Variants in HS3ST1 observed in about 807,000 individuals in gnomAD.
The protein encoded by HS3ST1 is heparan sulfate-glucosamine 3-sulfotransferase 1.
In HS3ST1, 8 loss-of-function variants were observed where a neutral mutation model predicts 20.7. The observed-to-expected ratio is 0.39, with a 90% confidence interval of 0.23 to 0.70. The LOEUF (loss-of-function observed/expected upper bound fraction) is 0.70, where lower values mean the gene tolerates loss of function less well. Ranked by LOEUF, HS3ST1 falls within the 30% of genes least tolerant of loss-of-function variation. HS3ST1 has a pLI of 0.46. For missense variants in HS3ST1, 436 were observed against 423.4 expected, an observed-to-expected ratio of 1.03 and a Z score of -0.26; for synonymous variants, 205 against 190.4, an observed-to-expected ratio of 1.08 and a Z score of -0.63.
rs941914979 is a variant in HS3ST1 at position 11,394,445 on chromosome 4, C to T, written c.*4637G>A. On this transcript the variant is annotated 3_prime_UTR_variant, in exon 2 of 2. Transcript: ENST00000002596. ...GTCCTCTTTAGCTTTGGCCTTCTCT[C>T]ACTGTGTGCTGTTTGGAGAACTCTG... 3.3e-5 allele frequency: 5 copies of T among 152,226 alleles called. No homozygotes were observed. The highest frequency in any genetic ancestry group is 1.2e-4 in the African/African-American group (5 of 41,450). 9.4% of individuals were successfully genotyped at this position (152,226 alleles called of 1,614,324 possible).
At chr4:11,415,915 G>A (rs371863622) in intron 1 of HS3ST1, among the ~76,000 whole-genome samples, 14 of 152,282 alleles carry the variant, frequency 9.2e-5, no homozygotes, top group South Asian at 2.1e-4. Flanking sequence ...GTGCTTCTGC[G>A]GAAATGTGTG....
chr4:11,410,444 G>C (rs912076705), intron 1 of HS3ST1, among the ~76,000 whole-genome samples: 1 of 152,182 alleles, frequency 6.6e-6, no homozygotes, highest in South Asian at 2.1e-4. Context: ...TTCATTCAGG[G>C]CAGTAGGAGA....
upstream of HS3ST1, chr4:11,429,201 GTCCAAGGGGAGGGACCAGCGC>G (rs1236517690): frequency 6.6e-6 from 1 of 152,500 alleles, no homozygotes; most frequent in East Asian, 1.9e-4. Flanking sequence ...TGGGGTTTCA[GTCCAAGGGGAGGGACCAGCGC>G]TCCAAGAAGG....
chr4:11,406,856 CT>C (rs879811968), intron 1 of HS3ST1, among the ~76,000 whole-genome samples: 508 of 143,662 alleles, frequency 3.5e-3, no homozygotes, highest in African/African-American at 6.4e-3. Flanking sequence ...ACAAAACTGT[CT>C]TTTTTTTTTT....
intron 1 of HS3ST1, among the ~76,000 whole-genome samples, chr4:11,408,417 A>G (rs532094424): frequency 2.0e-5 from 3 of 152,292 alleles, no homozygotes; most frequent in East Asian, 1.9e-4. Context: ...TCATGATGCA[A>G]AGTACTGCAG....
At chr4:11,428,618 C>T (rs1428178016) in intron 1 of HS3ST1, 81 bp downstream of exon 1, 2 of 152,710 alleles carry the variant, frequency 1.3e-5, no homozygotes, top group Admixed American at 6.5e-5. Flanking sequence ...TGCCCGAAGT[C>T]CAGAACGCCA....
intron 1 of HS3ST1, among the ~76,000 whole-genome samples, chr4:11,415,569 G>A (rs983409942): frequency 1.3e-5 from 2 of 152,264 alleles, no homozygotes; most frequent in Middle Eastern, 3.4e-3. Flanking sequence ...GTTGTCATAA[G>A]TAAAGAAAGA....
chr4:11,427,881 G>C (rs1259108163), intron 1 of HS3ST1, among the ~76,000 whole-genome samples: 3 of 152,208 alleles, frequency 2.0e-5, no homozygotes, highest in Admixed American at 2.0e-4. Context: ...ACAGGCTGGG[G>C]CTAGAAGGAG....
chr4:11,431,299 G>A (rs1719201448), upstream of HS3ST1, among the ~76,000 whole-genome samples: 1 of 151,052 alleles, frequency 6.6e-6, no homozygotes, highest in Admixed American at 6.6e-5. Flanking sequence ...AGTCAAACAT[G>A]TTTCCCTTTC....
intron 1 of HS3ST1, among the ~76,000 whole-genome samples, chr4:11,406,360 C>G (rs746882454): frequency 2.0e-5 from 3 of 152,174 alleles, no homozygotes; most frequent in Non-Finnish European, 4.4e-5. Flanking sequence ...AAATGTCTAA[C>G]CTCTCTGGGT....
intron 1 of HS3ST1, among the ~76,000 whole-genome samples, chr4:11,401,159 A>T (rs1409484502): frequency 2.0e-5 from 3 of 152,190 alleles, no homozygotes; most frequent in East Asian, 3.8e-4. Context: ...ATAATTGGGG[A>T]TGGTTTCACA....
chr4:11,415,287 T>A (rs1475167551), intron 1 of HS3ST1, among the ~76,000 whole-genome samples: 1 of 152,222 alleles, frequency 6.6e-6, no homozygotes, highest in Non-Finnish European at 1.5e-5. Flanking sequence ...CTGGGTTAGT[T>A]ACATGCCCTT....
At chr4:11,408,472 A>T (rs1718529608) in intron 1 of HS3ST1, among the ~76,000 whole-genome samples, 3 of 152,358 alleles carry the variant, frequency 2.0e-5, no homozygotes, top group South Asian at 2.1e-4. Flanking sequence ...ACAGTGACAC[A>T]TAGAAATAAT....
intron 1 of HS3ST1, among the ~76,000 whole-genome samples, chr4:11,417,986 T>C (rs1718830375): frequency 6.6e-6 from 1 of 152,240 alleles, no homozygotes; most frequent in African/African-American, 2.4e-5. Flanking sequence ...TTTCCTATTC[T>C]GTAATGATTT....
intron 1 of HS3ST1, among the ~76,000 whole-genome samples, chr4:11,422,824 C>T (rs184983086): frequency 2.0e-4 from 30 of 151,584 alleles, no homozygotes; most frequent in Middle Eastern, 3.4e-3. Flanking sequence ...AAAAAATTTC[C>T]GTGGACGATG....
At chr4:11,429,440 T>A (rs1577452668), upstream of HS3ST1, 1 of 152,344 alleles carries the variant, frequency 6.6e-6, no homozygotes, top group Admixed American at 6.6e-5. Flanking sequence ...GCGCTGGCGC[T>A]CCTTCCGCCC....
intron 1 of HS3ST1, among the ~76,000 whole-genome samples, chr4:11,410,709 T>C (rs1184384325): frequency 6.6e-6 from 1 of 152,024 alleles, no homozygotes; most frequent in Non-Finnish European, 1.5e-5. Flanking sequence ...CGGTCAAACA[T>C]GGTGAAACCC....
At chr4:11,432,041 C>T (rs1193271800), upstream of HS3ST1, among the ~76,000 whole-genome samples, 1 of 152,180 alleles carries the variant, frequency 6.6e-6, no homozygotes, top group Non-Finnish European at 1.5e-5. Flanking sequence ...GCTACCCTTC[C>T]AGTAAAAACT....
chr4:11,432,674 A>C (rs998824157), upstream of HS3ST1, among the ~76,000 whole-genome samples: 15 of 152,364 alleles, frequency 9.8e-5, no homozygotes, highest in Admixed American at 2.0e-4. Flanking sequence ...AGAGAGCATG[A>C]TTGCACTGTG....
Sources: allele counts gnomAD v4.1 joint callset (sites outside exome capture counted in the v4.1 genomes callset), GRCh38; gene constraint gnomAD v4.1.1; transcripts MANE v1.5; gene names NCBI Gene and HGNC (gene_info 2026-07-23, HGNC 2026-07-21).